FNDC3B: variants seen among roughly 807,000 people sequenced by gnomAD.
FNDC3B encodes the protein fibronectin type III domain-containing protein 3B.
A neutral mutation model predicts 151.5 loss-of-function variants in FNDC3B; 12 were observed. The observed-to-expected ratio is 0.08, with a 90% CI of 0.05 to 0.13. FNDC3B has a LOEUF of 0.13. Ranked by LOEUF, FNDC3B falls within the 10% of genes least tolerant of loss-of-function variation. The pLI is 1.00. For missense variants in FNDC3B, 1,214 were observed against 1,505.3 expected (o/e 0.81, Z 3.20); for synonymous variants, 528 against 549.0 (o/e 0.96, Z 0.54).
intron 23 of FNDC3B, 150 bp downstream of exon 23, chr3:172,362,995 G>C: frequency 1.6e-6 from 1 of 628,728 alleles, no homozygotes; most frequent in Non-Finnish European, 2.8e-6. Context: ...TTTTATACCC[G>C]GAGTCGTTCC....
At chr3:172,180,043 A>C (rs1723809977) in intron 3 of FNDC3B, among the ~76,000 whole-genome samples, 1 of 152,168 alleles carries the variant, frequency 6.6e-6, no homozygotes, top group South Asian at 2.1e-4. Flanking sequence ...CTAATGACTC[A>C]TACAAACATT....
chr3:172,302,177 C>T (rs1730945667), intron 9 of FNDC3B: 1 of 152,218 alleles, frequency 6.6e-6, no homozygotes, highest in East Asian at 1.9e-4. Flanking sequence ...TGCTTTTTCT[C>T]ATTTTCAACT....
At chr3:172,176,912 A>G (rs757253102) in intron 3 of FNDC3B, among the ~76,000 whole-genome samples, 10 of 152,196 alleles carry the variant, frequency 6.6e-5, no homozygotes, top group Non-Finnish European at 2.9e-5. Context: ...GTGGGAATTT[A>G]TAGCCAAGGA....
intron 3 of FNDC3B, among the ~76,000 whole-genome samples, chr3:172,185,375 T>C (rs1325019838): frequency 6.6e-6 from 1 of 152,178 alleles, no homozygotes; most frequent in Non-Finnish European, 1.5e-5. Flanking sequence ...GCGATCCAGA[T>C]AGACTTGGAA....
intron 3 of FNDC3B, among the ~76,000 whole-genome samples, chr3:172,170,894 A>G (rs919996461): frequency 1.3e-5 from 2 of 152,174 alleles, no homozygotes; most frequent in Admixed American, 1.3e-4. Context: ...AGCCACCTTT[A>G]TGGTATTACT....
At chr3:172,161,886 CCTT>C (rs1327186913) in intron 3 of FNDC3B, among the ~76,000 whole-genome samples, 1 of 152,128 alleles carries the variant, frequency 6.6e-6, no homozygotes, top group Admixed American at 6.5e-5. Flanking sequence ...CAGTAATGTA[CCTT>C]CTATCTTTAG....
chr3:172,304,921 G>T (rs1731120503), intron 9 of FNDC3B, among the ~76,000 whole-genome samples: 1 of 150,022 alleles, frequency 6.7e-6, no homozygotes, highest in Admixed American at 6.7e-5. Flanking sequence ...AAAGCCAAGT[G>T]TTGCTAAAAC....
chr3:172,357,895 G>A (rs1040338672), intron 22 of FNDC3B, among the ~76,000 whole-genome samples: 3 of 152,156 alleles, frequency 2.0e-5, no homozygotes, highest in African/African-American at 7.2e-5. Flanking sequence ...TAGAATCTAG[G>A]TAGTTGATTT....
chr3:172,209,903 G>A (rs1284547489), intron 3 of FNDC3B, among the ~76,000 whole-genome samples: 3 of 152,284 alleles, frequency 2.0e-5, no homozygotes, highest in Non-Finnish European at 4.4e-5. Flanking sequence ...GGGAGTCCAG[G>A]CAGCAGGGGG....
chr3:172,389,519 G>A (rs989504441), intron 25 of FNDC3B, among the ~76,000 whole-genome samples: 6 of 152,174 alleles, frequency 3.9e-5, no homozygotes, highest in Middle Eastern at 3.2e-3. Context: ...CTATTAGAAC[G>A]TATTAGAAAA....
At chr3:172,374,707 A>G (rs1193447040) in intron 23 of FNDC3B, among the ~76,000 whole-genome samples, 1 of 152,144 alleles carries the variant, frequency 6.6e-6, no homozygotes, top group African/African-American at 2.4e-5. Context: ...GTTTTCTTTT[A>G]TTAACCCATT....
intron 9 of FNDC3B, among the ~76,000 whole-genome samples, chr3:172,304,162 T>A (rs1264130900): frequency 6.6e-6 from 1 of 152,048 alleles, no homozygotes; most frequent in Admixed American, 6.5e-5. Context: ...CTCTCCAGCC[T>A]AGGAAGTATG....
intron 3 of FNDC3B, among the ~76,000 whole-genome samples, chr3:172,179,183 T>G (rs527928474): frequency 1.8e-4 from 28 of 152,232 alleles, no homozygotes; most frequent in African/African-American, 6.7e-4. Context: ...TGCCTCAGCC[T>G]CCCGAATAGC....
intron 1 of FNDC3B, 24 bp from the exon 2 acceptor site, chr3:172,112,428 T>C (rs1720022701): frequency 1.5e-6 from 2 of 1,323,572 alleles, no homozygotes; most frequent in East Asian, 4.6e-5. Flanking sequence ...GAGTCCTTTT[T>C]AAAAAGCGGC....
chr3:172,134,296 G>A, intron 3 of FNDC3B: 2 of 499,962 alleles, frequency 4.0e-6, no homozygotes, highest in Non-Finnish European at 8.0e-6. Context: ...TAGGTACTTT[G>A]ATCCATATGG....
intron 1 of FNDC3B, among the ~76,000 whole-genome samples, chr3:172,102,179 TTC>T (rs1325770548): frequency 6.6e-6 from 1 of 152,224 alleles, no homozygotes; most frequent in African/African-American, 2.4e-5. Flanking sequence ...CATTATCACT[TTC>T]TGAGTCTCTT....
chr3:172,159,541 T>C (rs1261611353), intron 3 of FNDC3B, among the ~76,000 whole-genome samples: 1 of 152,184 alleles, frequency 6.6e-6, no homozygotes, highest in Non-Finnish European at 1.5e-5. Context: ...ATTTAGGAGC[T>C]TTGGGTCATC....
chr3:172,241,484 C>G (rs1255977975), intron 4 of FNDC3B, among the ~76,000 whole-genome samples: 5 of 151,970 alleles, frequency 3.3e-5, no homozygotes, highest in Non-Finnish European at 5.9e-5. Flanking sequence ...ATCAGACTTA[C>G]AGTTCCACAT....
intron 1 of FNDC3B, among the ~76,000 whole-genome samples, chr3:172,069,611 A>G (rs1340735212): frequency 6.6e-6 from 1 of 152,122 alleles, no homozygotes; most frequent in East Asian, 1.9e-4. Flanking sequence ...TACTCTCCAG[A>G]CTGCTGTGCT....
Sources: gnomAD v4.1 joint callset for allele counts (sites outside exome capture counted in the v4.1 genomes callset) on GRCh38, gnomAD v4.1.1 for gene constraint, MANE v1.5 for transcripts, NCBI Gene and HGNC (gene_info 2026-07-23, HGNC 2026-07-21) for gene names.